Variants in TBC1D19 observed in about 807,000 individuals in gnomAD.
TBC1D19 encodes the protein TBC1 domain family, member 19.
In TBC1D19, 60 loss-of-function variants were observed where a neutral mutation model predicts 89.0. That is an observed-to-expected ratio of 0.67 (90% CI 0.55 to 0.84). The LOEUF (loss-of-function observed/expected upper bound fraction) is 0.84, where lower values mean the gene tolerates loss of function less well. Among genes scored for constraint, TBC1D19 ranks in the 40% least tolerant of loss-of-function variants. The probability of loss-of-function intolerance (pLI) is 0.00; values close to 1 mark genes in which losing one functional copy is unlikely to be tolerated. For missense variants in TBC1D19, 500 were observed against 610.8 expected (o/e 0.82, Z 1.91); for synonymous variants, 189 against 199.7 (o/e 0.95, Z 0.45).
chr4:26,856,751 G>T, the TBC1D19 span, among the ~76,000 whole-genome samples: 1 of 152,098 alleles, frequency 6.6e-6, no homozygotes, highest in Non-Finnish European at 1.5e-5. Context: ...CAACATTCCT[G>T]CTGCTTCAGC....
At chr4:26,678,388 C>A (rs1713030143) in intron 11 of TBC1D19, among the ~76,000 whole-genome samples, 1 of 152,152 alleles carries the variant, frequency 6.6e-6, no homozygotes, top group Non-Finnish European at 1.5e-5. Flanking sequence ...GGAAACAGGT[C>A]TATGCCTTCT....
chr4:26,656,393 A>T (rs1413470745), intron 7 of TBC1D19, among the ~76,000 whole-genome samples: 1 of 151,978 alleles, frequency 6.6e-6, no homozygotes, highest in African/African-American at 2.4e-5. Flanking sequence ...CCTTCTAATG[A>T]GTTATTTGTT....
intron 15 of TBC1D19, among the ~76,000 whole-genome samples, chr4:26,723,783 G>A (rs1717128731): frequency 6.6e-6 from 1 of 152,154 alleles, no homozygotes; most frequent in Non-Finnish European, 1.5e-5. Flanking sequence ...CACTGTTGTA[G>A]GAGGGTGATC....
At chr4:26,818,206 C>A in the TBC1D19 span, among the ~76,000 whole-genome samples, 1,686 of 151,886 alleles carry the variant, frequency 0.011, 32 homozygotes, top group African/African-American at 0.039. Context: ...GGAATTTTTT[C>A]TTTCAATTTT....
chr4:26,753,707 T>C (rs1387035640), intron 19 of TBC1D19, 113 bp from the exon 20 acceptor site: 6 of 1,068,712 alleles, frequency 5.6e-6, no homozygotes, highest in Admixed American at 1.9e-5. Flanking sequence ...TGGTCCGTTG[T>C]GTAAAGCACT....
At chr4:26,649,112 T>C (rs1272707249) in intron 7 of TBC1D19, among the ~76,000 whole-genome samples, 1 of 150,372 alleles carries the variant, frequency 6.7e-6, no homozygotes, top group Non-Finnish European at 1.5e-5. Flanking sequence ...AAAATTGTGC[T>C]GTTAGGTAAT....
intron 6 of TBC1D19, 40 bp from the exon 7 acceptor site, chr4:26,640,098 ATAT>A: frequency 7.6e-7 from 1 of 1,316,306 alleles, no homozygotes; most frequent in Non-Finnish European, 1.1e-6. Flanking sequence ...AAGCCTTCAT[ATAT>A]TATTAGCTGA....
chr4:26,760,612 A>G (rs896620707), downstream of TBC1D19, among the ~76,000 whole-genome samples: 3 of 152,056 alleles, frequency 2.0e-5, no homozygotes, highest in Non-Finnish European at 2.9e-5. Flanking sequence ...TTTATTCTGG[A>G]TGTAGCATAT....
chr4:26,741,382 AAAAAG>A (rs1481238632), intron 17 of TBC1D19, among the ~76,000 whole-genome samples: 5 of 151,594 alleles, frequency 3.3e-5, no homozygotes, highest in African/African-American at 9.7e-5. Flanking sequence ...AAAAAAAAAA[AAAAAG>A]ATTAATAATT....
At chr4:26,583,639 G>A (rs28420370), upstream of TBC1D19, among the ~76,000 whole-genome samples, 3,962 of 152,254 alleles carry the variant, frequency 0.026, 133 homozygotes, top group African/African-American at 0.075. Context: ...TACAGTGCTA[G>A]GCACCTTCAC....
rs568720239 is a variant in TBC1D19 at position 26,665,106 on chromosome 4, G to A, written c.592-1227G>A. 2.0e-5 allele frequency among the ~76,000 whole-genome samples: 3 copies of A among 152,248 alleles called. No individual in the cohort carries two copies. The South Asian group carries it at 6.2e-4, about 32-fold the overall frequency. Reference sequence around the variant, plus strand: ...TTTCCTTGGAAGGGGTGCCTTCGATGTCATTAACATCAGAACATGGGCTAG... The same window carrying A: ...TTTCCTTGGAAGGGGTGCCTTCGATATCATTAACATCAGAACATGGGCTAG... On this transcript the variant is annotated intron_variant, in intron 8 of 20. Coordinates refer to ENST00000264866, the MANE Select transcript of TBC1D19 (RefSeq NM_018317.4).
the TBC1D19 span, among the ~76,000 whole-genome samples, chr4:26,853,543 T>G: frequency 3.9e-5 from 6 of 152,126 alleles, no homozygotes; most frequent in East Asian, 3.9e-4. Flanking sequence ...ACTTTTTTTT[T>G]TTGTTTGTTT....
At chr4:26,660,880 T>C (rs1190735765) in intron 8 of TBC1D19, among the ~76,000 whole-genome samples, 1 of 152,204 alleles carries the variant, frequency 6.6e-6, no homozygotes, top group African/African-American at 2.4e-5. Flanking sequence ...CTAGAAGTCA[T>C]AGTTGCTTTC....
At chr4:26,702,404 A>G (rs1715405277) in intron 13 of TBC1D19, 1 of 152,264 alleles carries the variant, frequency 6.6e-6, no homozygotes, top group African/African-American at 2.4e-5. Flanking sequence ...TGATTCTTAT[A>G]CTATGTGTAA....
chr4:26,720,620 T>C (rs1460998519), intron 15 of TBC1D19, among the ~76,000 whole-genome samples: 1 of 152,168 alleles, frequency 6.6e-6, no homozygotes, highest in Admixed American at 6.6e-5. Context: ...ACATTAAATA[T>C]TCTTTTGAGA....
intron 11 of TBC1D19, among the ~76,000 whole-genome samples, chr4:26,680,823 CT>C (rs372929044): frequency 3.2e-4 from 48 of 152,204 alleles, no homozygotes; most frequent in Middle Eastern, 3.4e-3. Context: ...TCTCGTTTTT[CT>C]TTATTTAGTC....
intron 1 of TBC1D19, among the ~76,000 whole-genome samples, 200 bp downstream of exon 1, chr4:26,584,492 T>TGGG (rs1232126823): frequency 1.3e-5 from 2 of 152,154 alleles, no homozygotes; most frequent in African/African-American, 2.4e-5. Context: ...CCCTGTCCGG[T>TGGG]GCAAGCTGTG....
chr4:26,695,717 G>T (rs980230916), intron 13 of TBC1D19, among the ~76,000 whole-genome samples: 2 of 152,174 alleles, frequency 1.3e-5, no homozygotes, highest in African/African-American at 4.8e-5. Context: ...CATTCTTAAA[G>T]AAAAGAATTT....
chr4:26,685,288 C>T (rs539085753), intron 12 of TBC1D19, among the ~76,000 whole-genome samples: 13 of 152,274 alleles, frequency 8.5e-5, no homozygotes, highest in African/African-American at 2.9e-4. Context: ...GCCCCAGTGC[C>T]AATGCCTGTT....
Sources: gnomAD v4.1 joint callset for allele counts (sites outside exome capture counted in the v4.1 genomes callset) on GRCh38, gnomAD v4.1.1 for gene constraint, MANE v1.5 for transcripts, NCBI Gene and HGNC (gene_info 2026-07-23, HGNC 2026-07-21) for gene names.